PROS1: variants seen among roughly 807,000 people sequenced by gnomAD.
PROS1 encodes the protein vitamin K-dependent protein S.
In PROS1, 29 loss-of-function variants were observed where a neutral mutation model predicts 75.9. That is an observed-to-expected ratio of 0.38 (90% CI 0.28 to 0.52). The LOEUF (loss-of-function observed/expected upper bound fraction) is 0.52, where lower values mean the gene tolerates loss of function less well. Among genes scored for constraint, PROS1 ranks in the 20% least tolerant of loss-of-function variants. The pLI is 0.83. For synonymous variants in PROS1, 245 were observed against 280.6 expected (o/e 0.87, Z 1.27); for missense variants, 680 against 810.3 (o/e 0.84, Z 1.95).
In PROS1 at chr3:93,937,729, G is replaced by A. The variant is rs917083688; in HGVS notation, c.77-10322C>T. ...GCCCAGGCCCAGTTTTGGGCCTGGCGCTGGGCTGCCTGTCTTTGGTTTCAC... is the reference window on the plus strand; with the variant it reads ...GCCCAGGCCCAGTTTTGGGCCTGGCACTGGGCTGCCTGTCTTTGGTTTCAC... On this transcript the variant is annotated intron_variant, in intron 1 of 14. Transcript: ENST00000394236. 3.3e-5 allele frequency among the ~76,000 whole-genome samples: 5 copies of A among 152,122 alleles called. No individual in the cohort carries two copies. The East Asian group carries it at 7.7e-4, about 24-fold the overall frequency.
chr3:93,957,290 G>A (rs1709618454), intron 1 of PROS1, among the ~76,000 whole-genome samples: 1 of 152,148 alleles, frequency 6.6e-6, no homozygotes. Context: ...GAATATATAT[G>A]TGTGGACAAA....
At chr3:93,940,649 C>A (rs1209112238) in intron 1 of PROS1, among the ~76,000 whole-genome samples, 1 of 152,036 alleles carries the variant, frequency 6.6e-6, no homozygotes, top group Non-Finnish European at 1.5e-5. Context: ...TTCACATCTT[C>A]CTCTCATATC....
At chr3:93,877,853 A>T (rs1413961670) in intron 13 of PROS1, among the ~76,000 whole-genome samples, 1 of 152,244 alleles carries the variant, frequency 6.6e-6, no homozygotes, top group African/African-American at 2.4e-5. Context: ...GAGGAAAGTG[A>T]TAAAAACATA....
At chr3:93,911,531 C>T (rs193026601) in intron 3 of PROS1, among the ~76,000 whole-genome samples, 19 of 152,132 alleles carry the variant, frequency 1.2e-4, no homozygotes, top group South Asian at 4.2e-4. Flanking sequence ...TCATGATTTG[C>T]GGGTCAAATA....
At chr3:93,905,577 T>C (rs1163246007) in intron 6 of PROS1, among the ~76,000 whole-genome samples, 3 of 152,158 alleles carry the variant, frequency 2.0e-5, no homozygotes, top group Non-Finnish European at 4.4e-5. Flanking sequence ...TCTACTCCAG[T>C]CTGGGAGACA....
At chr3:93,943,619 T>C (rs1709329318) in intron 1 of PROS1, among the ~76,000 whole-genome samples, 1 of 152,130 alleles carries the variant, frequency 6.6e-6, no homozygotes, top group Non-Finnish European at 1.5e-5. Context: ...CCCAAAATTT[T>C]TGCTGCTCTA....
chr3:93,904,540 C>G (rs1389081232), intron 6 of PROS1, among the ~76,000 whole-genome samples: 5 of 151,964 alleles, frequency 3.3e-5, no homozygotes, highest in Non-Finnish European at 5.9e-5. Context: ...GAACATGAAT[C>G]CAATTTAGGG....
intron 1 of PROS1, among the ~76,000 whole-genome samples, chr3:93,955,368 C>T (rs1276132266): frequency 1.3e-5 from 2 of 152,156 alleles, no homozygotes; most frequent in African/African-American, 4.8e-5. Context: ...AAATGTGGCA[C>T]ATATACACCA....
rs368074804 is a variant in PROS1 at position 93,898,570 on chromosome 3, C to A, written c.728-1G>T. ...ATGTTCTCAGAGCATTCATCTATATCTGAGGTAAAAAAAACACACGCACAC... is the reference window on the plus strand; with the variant it reads ...ATGTTCTCAGAGCATTCATCTATATATGAGGTAAAAAAAACACACGCACAC... On this transcript the variant is annotated splice_acceptor_variant, in intron 7 of 14. Coordinates refer to ENST00000394236, the MANE Select transcript of PROS1 (RefSeq NM_000313.4). LOFTEE classifies it high-confidence loss of function. The A allele has an allele frequency of 6.2e-7, 1 of 1,611,962 alleles. No individual in the cohort carries two copies. Among genetic ancestry groups the A allele is most frequent in the South Asian group, 1.1e-5 (1 of 91,024 alleles).
chr3:93,955,555 A>T (rs1047874726), intron 1 of PROS1, among the ~76,000 whole-genome samples: 2 of 152,052 alleles, frequency 1.3e-5, no homozygotes, highest in African/African-American at 4.8e-5. Context: ...GATGGAGAAC[A>T]TAACACAGGA....
At chr3:93,875,782 C>A (rs1188345807) in intron 14 of PROS1, among the ~76,000 whole-genome samples, 1 of 152,064 alleles carries the variant, frequency 6.6e-6, no homozygotes, top group Admixed American at 6.6e-5. Flanking sequence ...AGACCATGAG[C>A]AGTTTAAGCA....
chr3:93,893,758 A>T (rs1274656263), intron 9 of PROS1, among the ~76,000 whole-genome samples: 3 of 152,198 alleles, frequency 2.0e-5, no homozygotes, highest in Non-Finnish European at 4.4e-5. Flanking sequence ...AAATATATCT[A>T]TTAGCTTTCC....
At chr3:93,945,269 C>A (rs1709366902) in intron 1 of PROS1, among the ~76,000 whole-genome samples, 1 of 152,044 alleles carries the variant, frequency 6.6e-6, no homozygotes. Flanking sequence ...CTATTCCAAT[C>A]AATAGAAAAA....
chr3:93,957,983 GA>G (rs906814025), intron 1 of PROS1, among the ~76,000 whole-genome samples: 4 of 152,040 alleles, frequency 2.6e-5, no homozygotes, highest in African/African-American at 9.7e-5. Context: ...AGCTACTCAG[GA>G]GGCTGAGGCA....
intron 6 of PROS1, among the ~76,000 whole-genome samples, chr3:93,903,105 T>C (rs1277831139): frequency 3.3e-5 from 5 of 152,098 alleles, no homozygotes; most frequent in Non-Finnish European, 7.4e-5. Flanking sequence ...GACCTGTTGT[T>C]GATCCACCCA....
intron 1 of PROS1, among the ~76,000 whole-genome samples, chr3:93,934,992 TA>T (rs1225377181): frequency 6.6e-6 from 1 of 151,880 alleles, no homozygotes; most frequent in Non-Finnish European, 1.5e-5. Flanking sequence ...TTTGATTAAC[TA>T]GACAGAGAAA....
chr3:93,934,121 A>T (rs1486740348), intron 1 of PROS1, among the ~76,000 whole-genome samples: 1 of 151,720 alleles, frequency 6.6e-6, no homozygotes, highest in East Asian at 1.9e-4. Flanking sequence ...CGGAGGCTGG[A>T]GTGAGCAGAG....
chr3:93,950,059 C>CA (rs1709469336), intron 1 of PROS1, among the ~76,000 whole-genome samples: 1 of 152,160 alleles, frequency 6.6e-6, no homozygotes, highest in South Asian at 2.1e-4. Flanking sequence ...CGGAGGGTCC[C>CA]ACGCCCATAG....
intron 4 of PROS1, 77 bp downstream of exon 4, chr3:93,910,542 T>C: frequency 1.7e-6 from 2 of 1,181,516 alleles, no homozygotes; most frequent in Admixed American, 1.9e-5. Flanking sequence ...TTTTAAACGT[T>C]AGTTTATATT....
Sources: allele counts gnomAD v4.1 joint callset (sites outside exome capture counted in the v4.1 genomes callset), GRCh38; gene constraint gnomAD v4.1.1; transcripts MANE v1.5; gene names NCBI Gene and HGNC (gene_info 2026-07-23, HGNC 2026-07-21).